Variants in DLEU7 observed in about 807,000 individuals in gnomAD.
DLEU7 encodes the protein deleted in lymphocytic leukemia 7, also known as leukemia-associated protein 7.
DLEU7 carries 17 observed loss-of-function variants against 16.0 expected under a neutral mutation model. That is an observed-to-expected ratio of 1.06 (90% CI 0.73 to 1.59). The LOEUF is 1.59. Among genes scored for constraint, DLEU7 ranks in the 40% most tolerant of loss-of-function variants. DLEU7 has a pLI of 0.00. For synonymous variants in DLEU7, 113 were observed against 139.8 expected (o/e 0.81, Z 1.35); for missense variants, 308 against 314.9 (o/e 0.98, Z 0.17).
intron 1 of DLEU7, among the ~76,000 whole-genome samples, chr13:50,772,999 G>A (rs1429290870): frequency 3.3e-5 from 5 of 151,604 alleles, no homozygotes; most frequent in East Asian, 1.9e-4. Context: ...TTCTCTTCTC[G>A]CTTCATTTCA....
At chr13:50,767,387 C>T (rs1593550095) in intron 1 of DLEU7, among the ~76,000 whole-genome samples, 2 of 136,454 alleles carry the variant, frequency 1.5e-5, no homozygotes, top group Non-Finnish European at 1.5e-5. Flanking sequence ...ACCCGGGAGG[C>T]GGAGCTTGCA....
chr13:50,756,147 T>G (rs1260109070), intron 1 of DLEU7, among the ~76,000 whole-genome samples: 3 of 152,120 alleles, frequency 2.0e-5, no homozygotes, highest in African/African-American at 4.8e-5. Flanking sequence ...CTGTGAGGGT[T>G]CTTAGCTTTT....
At chr13:50,837,491 T>TA (rs1317525903) in intron 1 of DLEU7, among the ~76,000 whole-genome samples, 1 of 152,230 alleles carries the variant, frequency 6.6e-6, no homozygotes, top group Non-Finnish European at 1.5e-5. Context: ...GCAGTCACCG[T>TA]ATCCGTGGCT....
At chr13:50,757,497 TGG>T (rs1874796685) in intron 1 of DLEU7, among the ~76,000 whole-genome samples, 2 of 152,222 alleles carry the variant, frequency 1.3e-5, no homozygotes, top group Non-Finnish European at 2.9e-5. Flanking sequence ...TTCTGCTGCA[TGG>T]CATTCTAGAG....
intron 1 of DLEU7, among the ~76,000 whole-genome samples, chr13:50,832,866 CT>C (rs1877326076): frequency 2.0e-5 from 3 of 152,106 alleles, no homozygotes; most frequent in Non-Finnish European, 4.4e-5. Context: ...GATTTCCGTT[CT>C]TTTGCCTTTG....
intron 1 of DLEU7, among the ~76,000 whole-genome samples, chr13:50,803,557 A>C (rs1876305123): frequency 6.6e-6 from 1 of 152,130 alleles, no homozygotes; most frequent in African/African-American, 2.4e-5. Flanking sequence ...TATAAAATAC[A>C]CACCAGATTT....
At chr13:50,727,924 A>G (rs71436240) in intron 1 of DLEU7, among the ~76,000 whole-genome samples, 1 of 152,250 alleles carries the variant, frequency 6.6e-6, no homozygotes, top group African/African-American at 2.4e-5. Context: ...GGATCACTGC[A>G]GGTAAGTCAC....
intron 1 of DLEU7, among the ~76,000 whole-genome samples, chr13:50,809,683 C>T (rs1408739005): frequency 6.6e-6 from 1 of 152,050 alleles, no homozygotes. Context: ...CTTAACCAGG[C>T]CAAAAACACT....
intron 1 of DLEU7, among the ~76,000 whole-genome samples, chr13:50,802,001 T>C (rs1301014661): frequency 1.5e-4 from 23 of 151,782 alleles, no homozygotes; most frequent in Admixed American, 1.5e-3. Context: ...GAAGGCCCGC[T>C]TGGATCAGTG....
Position 50,843,217 on chromosome 13 carries a change from G to A in DLEU7, c.430C>T (p.Gln144Ter). Residue 144 changes from glutamine (Q) to a stop codon, truncating the protein, a stop_gained, in exon 1 of 2, where the codon CAG (glutamine) becomes TAG (stop). Transcript: ENST00000504404. LOFTEE classifies it high-confidence loss of function. This position sits in a 1 kb window ranked among gnomAD's most constrained non-coding sequence, Gnocchi z 5.7. ...VEQTLLGPLQ[Q>*]ERSFPIHLKD... ...AGGTGAATGGGAAAGGACCGCTCCT[G>A]CTGGAGGGGCCCCAGCAGCGTCTGC... 2 of 1,593,520 alleles carry A rather than the reference G, an allele frequency of 1.3e-6. No individual in the cohort carries two copies.
downstream of DLEU7, among the ~76,000 whole-genome samples, chr13:50,818,796 G>A (rs1203669011): frequency 6.6e-6 from 1 of 152,084 alleles, no homozygotes; most frequent in East Asian, 1.9e-4. Context: ...CTGACTGTGG[G>A]CCCGTCACTG....
chr13:50,755,565 C>G (rs1381459513), intron 1 of DLEU7, among the ~76,000 whole-genome samples: 1 of 151,518 alleles, frequency 6.6e-6, no homozygotes, highest in African/African-American at 2.4e-5. Flanking sequence ...TTTATGCTAT[C>G]TATTTCCTTT....
In DLEU7 at chr13:50,783,310, A is replaced by G. The variant is rs190466912; in HGVS notation, c.459+59878T>C. On this transcript the variant is annotated intron_variant, in intron 1 of 1. Coordinates refer to the DLEU7 transcript ENST00000400393. ...CCTTCCAAATAAACTATCTGAACCA[A>G]ACAATGACATGAACAAAATCTAAAC... Among the ~76,000 whole-genome samples the G allele has an allele frequency of 3.3e-5, 5 of 152,298 alleles. 1 individual carries two copies. In the East Asian group the frequency reaches 9.6e-4, roughly 29 times the overall value.
chr13:50,756,238 G>A (rs1459662231), intron 1 of DLEU7, among the ~76,000 whole-genome samples: 2 of 152,210 alleles, frequency 1.3e-5, no homozygotes, highest in Non-Finnish European at 2.9e-5. Context: ...AGCTGTGGTA[G>A]TATGGAGAGA....
At chr13:50,752,052 CTT>C (rs200928092) in intron 1 of DLEU7, among the ~76,000 whole-genome samples, 3 of 135,738 alleles carry the variant, frequency 2.2e-5, no homozygotes, top group Non-Finnish European at 4.7e-5. Flanking sequence ...CTCTTTCAGT[CTT>C]TTTTTTTTTT....
At chr13:50,758,025 ATTTTTTTTTTT>A (rs5803530) in intron 1 of DLEU7, among the ~76,000 whole-genome samples, 1 of 89,110 alleles carries the variant, frequency 1.1e-5, no homozygotes, top group East Asian at 3.3e-4. Flanking sequence ...CATTACCAAG[ATTTTTTTTTTT>A]TTTTTTTTTT....
chr13:50,736,806 A>C (rs1874083015), intron 1 of DLEU7, among the ~76,000 whole-genome samples: 1 of 152,120 alleles, frequency 6.6e-6, no homozygotes, highest in Admixed American at 6.6e-5. Context: ...GAGAACACAA[A>C]GTATTAATAC....
intron 1 of DLEU7, among the ~76,000 whole-genome samples, chr13:50,829,888 G>A (rs1593413935): frequency 6.6e-6 from 1 of 152,070 alleles, no homozygotes; most frequent in East Asian, 1.9e-4. Context: ...GGAAGGTAGG[G>A]GTCACAAGTC....
intron 1 of DLEU7, among the ~76,000 whole-genome samples, chr13:50,804,091 C>T (rs1876323203): frequency 6.6e-6 from 1 of 152,060 alleles, no homozygotes; most frequent in Admixed American, 6.6e-5. Flanking sequence ...TAATTTCACC[C>T]TTTTCCCACT....
Sources: allele counts gnomAD v4.1 joint callset (sites outside exome capture counted in the v4.1 genomes callset), GRCh38; gene constraint gnomAD v4.1.1; non-coding constraint Gnocchi (gnomAD v3.1); transcripts MANE v1.5; gene names NCBI Gene and HGNC (gene_info 2026-07-23, HGNC 2026-07-21).